The following CTNNA2 variants were observed in gnomAD, a reference collection of about 807,000 sequenced individuals.
CTNNA2 encodes catenin alpha-2.
In CTNNA2, 42 loss-of-function variants were observed where a neutral mutation model predicts 101.0. The observed-to-expected ratio is 0.42, with a 90% CI of 0.32 to 0.54. CTNNA2 has a LOEUF of 0.54. Among genes scored for constraint, CTNNA2 ranks in the 20% least tolerant of loss-of-function variants. The pLI is 0.14. For synonymous variants in CTNNA2, 450 were observed against 456.4 expected, an observed-to-expected ratio of 0.99 and a Z score of 0.18; for missense variants, 871 against 1,223.1, an observed-to-expected ratio of 0.71 and a Z score of 4.29.
chr2:79,190,121 C>G (rs187544229), intron 1 of CTNNA2, among the ~76,000 whole-genome samples: 1 of 152,286 alleles, frequency 6.6e-6, no homozygotes, highest in Admixed American at 6.5e-5. Context: ...GATTCCTCCT[C>G]TGACCCATGG....
chr2:80,029,641 T>A, intron 7 of CTNNA2: 1 of 103,512 alleles, frequency 9.7e-6, no homozygotes, highest in Admixed American at 9.0e-5. Flanking sequence ...CAGCCTGGGA[T>A]TTTTTTTTTT....
chr2:79,292,643 G>A (rs1237042071), intron 2 of CTNNA2, among the ~76,000 whole-genome samples: 1 of 152,242 alleles, frequency 6.6e-6, no homozygotes, highest in East Asian at 1.9e-4. Flanking sequence ...GATGGAAAGG[G>A]ACATCCTAAG....
intron 2 of CTNNA2, among the ~76,000 whole-genome samples, chr2:79,708,471 C>T (rs1037034347): frequency 7.9e-5 from 12 of 152,110 alleles, no homozygotes; most frequent in Non-Finnish European, 1.6e-4. Flanking sequence ...TTTTCACACC[C>T]TGTTCAGCCA....
At chr2:79,816,784 C>A (rs1280571096) in intron 3 of CTNNA2, among the ~76,000 whole-genome samples, 1 of 152,134 alleles carries the variant, frequency 6.6e-6, no homozygotes, top group East Asian at 1.9e-4. Context: ...ATTATTTAAT[C>A]CTCACATCAA....
intron 4 of CTNNA2, among the ~76,000 whole-genome samples, chr2:79,408,559 G>GT (rs1431680900): frequency 3.3e-5 from 5 of 150,790 alleles, no homozygotes; most frequent in Admixed American, 6.6e-5. Context: ...GCGGTATTTG[G>GT]TTTTTTGTCC....
intron 7 of CTNNA2, among the ~76,000 whole-genome samples, chr2:79,961,820 TCAA>T (rs1458052040): frequency 2.9e-5 from 1 of 34,860 alleles, no homozygotes; most frequent in African/African-American, 1.2e-4. Context: ...AGACTCCGTC[TCAA>T]AAAAAAAAAA....
chr2:80,191,009 G>C (rs1443425145), intron 7 of CTNNA2, among the ~76,000 whole-genome samples: 2 of 152,128 alleles, frequency 1.3e-5, no homozygotes, highest in African/African-American at 2.4e-5. Context: ...CTGTTCTAGT[G>C]TTTTGACCGC....
At position 80,001,950 on chromosome 2, in the gene CTNNA2, T is replaced by C. The variant is rs891589117; in HGVS notation, c.1056+92153T>C. 2.6e-5 allele frequency among the ~76,000 whole-genome samples: 4 copies of C among 152,368 alleles called. No individual in the cohort carries two copies. The Middle Eastern group carries it at 0.01, about 389-fold the overall frequency. ...GAGTTCTGAGTATCAGATTCTGCTA[T>C]ATTAAATAACTCAGAATTTACTCAT... On this transcript the variant is annotated intron_variant, in intron 7 of 18. Coordinates refer to ENST00000402739, the MANE Select transcript of CTNNA2 (RefSeq NM_001282597.3).
intron 1 of CTNNA2, among the ~76,000 whole-genome samples, chr2:79,569,453 A>G (rs1432827916): frequency 6.6e-6 from 1 of 152,192 alleles, no homozygotes; most frequent in Non-Finnish European, 1.5e-5. Context: ...ATGCCATACT[A>G]AACAGTTTGA....
intron 7 of CTNNA2, among the ~76,000 whole-genome samples, chr2:80,019,929 G>A (rs1373496770): frequency 1.3e-5 from 2 of 152,092 alleles, no homozygotes; most frequent in African/African-American, 2.4e-5. Context: ...AGTTCCCTAC[G>A]TTTTTATCCT....
chr2:79,681,233 G>C (rs1389416236), intron 2 of CTNNA2, among the ~76,000 whole-genome samples: 1 of 152,044 alleles, frequency 6.6e-6, no homozygotes, highest in Non-Finnish European at 1.5e-5. Flanking sequence ...TTTTTAGAGG[G>C]CACTATTTTT....
At chr2:80,388,413 G>A (rs1008295899) in intron 7 of CTNNA2, among the ~76,000 whole-genome samples, 1 of 152,186 alleles carries the variant, frequency 6.6e-6, no homozygotes, top group Non-Finnish European at 1.5e-5. Flanking sequence ...ACTTAGCCAC[G>A]TTTTAGAGAA....
At chr2:79,852,944 G>C (rs1329528648) in intron 3 of CTNNA2, among the ~76,000 whole-genome samples, 7 of 151,944 alleles carry the variant, frequency 4.6e-5, no homozygotes, top group Non-Finnish European at 1.0e-4. Flanking sequence ...TCGGCTCACT[G>C]CAACCTCTGC....
chr2:80,526,160 C>A (rs776303734), intron 9 of CTNNA2, among the ~76,000 whole-genome samples: 4 of 152,114 alleles, frequency 2.6e-5, no homozygotes, highest in Admixed American at 1.3e-4. Flanking sequence ...TCTGGTATGA[C>A]CTCAGTAAAT....
At chr2:80,472,983 CT>C (rs1403204670) in intron 9 of CTNNA2, among the ~76,000 whole-genome samples, 1 of 152,178 alleles carries the variant, frequency 6.6e-6, no homozygotes, top group Non-Finnish European at 1.5e-5. Flanking sequence ...ACTGTGCCCA[CT>C]TGTCTGCTGG....
intron 3 of CTNNA2, among the ~76,000 whole-genome samples, chr2:79,813,475 T>C (rs1677211227): frequency 6.6e-6 from 1 of 152,236 alleles, no homozygotes; most frequent in South Asian, 2.1e-4. Flanking sequence ...CCTGGAAGCC[T>C]GTTCAGAGTT....
At chr2:79,500,854 G>A (rs941504988) in intron 4 of CTNNA2, 1 of 152,240 alleles carries the variant, frequency 6.6e-6, no homozygotes, top group Admixed American at 6.5e-5. Context: ...CTTCGTCATG[G>A]TTTCAGCACT....
At chr2:80,200,589 G>T (rs1221772491) in intron 7 of CTNNA2, among the ~76,000 whole-genome samples, 1 of 152,108 alleles carries the variant, frequency 6.6e-6, no homozygotes, top group Admixed American at 6.6e-5. Flanking sequence ...AGGCTGGAGT[G>T]CAATGGCGTG....
At chr2:79,413,297 A>C (rs369120489) in intron 4 of CTNNA2, among the ~76,000 whole-genome samples, 1 of 152,046 alleles carries the variant, frequency 6.6e-6, no homozygotes, top group East Asian at 1.9e-4. Flanking sequence ...ATACAGTGAG[A>C]TCATGCAGTA....
Sources: allele counts gnomAD v4.1 joint callset (sites outside exome capture counted in the v4.1 genomes callset), GRCh38; gene constraint gnomAD v4.1.1; transcripts MANE v1.5; gene names NCBI Gene and HGNC (gene_info 2026-07-23, HGNC 2026-07-21).